Variants in C9orf72 observed in about 807,000 individuals in gnomAD.
C9orf72 encodes guanine nucleotide exchange factor C9orf72.
In C9orf72, 44 loss-of-function variants were observed where a neutral mutation model predicts 51.6. That is an observed-to-expected ratio of 0.85 (90% CI 0.67 to 1.10). The LOEUF (loss-of-function observed/expected upper bound fraction) is 1.10. Among genes scored for constraint, C9orf72 ranks in the 50% least tolerant of loss-of-function variants. The pLI is 0.00. For synonymous variants in C9orf72, 213 were observed against 194.2 expected, an observed-to-expected ratio of 1.10 and a Z score of -0.81; for missense variants, 607 against 570.6, an observed-to-expected ratio of 1.06 and a Z score of -0.65.
chr9:27,561,493 A>G, intron 5 of C9orf72, 92 bp downstream of exon 5: 2 of 1,556,494 alleles, frequency 1.3e-6, no homozygotes, highest in Non-Finnish European at 1.7e-6. Context: ...CTAAGTAGAC[A>G]GTCTGTTATT....
chr9:27,571,892 C>G (rs1030170833), intron 1 of C9orf72, among the ~76,000 whole-genome samples: 1 of 152,206 alleles, frequency 6.6e-6, no homozygotes, highest in African/African-American at 2.4e-5. Context: ...CCAGAAAGTT[C>G]ACAACACTTT....
intron 2 of C9orf72, among the ~76,000 whole-genome samples, chr9:27,565,920 T>C (rs1819457106): frequency 6.6e-6 from 1 of 152,150 alleles, no homozygotes; most frequent in Non-Finnish European, 1.5e-5. Context: ...TAAAAGATTC[T>C]CCTGATTTTA....
intron 3 of C9orf72, 54 bp from the exon 4 acceptor site, chr9:27,562,530 G>T: frequency 1.2e-6 from 1 of 854,580 alleles, no homozygotes; most frequent in Non-Finnish European, 1.8e-6. Context: ...GAGAGAAGCT[G>T]GGCAATAAAA....
upstream of C9orf72, chr9:27,573,523 C>CGGCCCCGGCCCCGGCCCCG (rs905464796): frequency 5.6e-5 from 8 of 142,348 alleles, no homozygotes; most frequent in African/African-American, 1.8e-4. Context: ...GCCCCGACCA[C>CGGCCCCGGCCCCGGCCCCG]GCCCCGGCCC....
intron 9 of C9orf72, among the ~76,000 whole-genome samples, chr9:27,550,412 G>T (rs1198065863): frequency 6.6e-6 from 1 of 151,934 alleles, no homozygotes; most frequent in Non-Finnish European, 1.5e-5. Context: ...GTAAACAAAG[G>T]TCTGAATTCC....
rs910769995 is a variant in C9orf72 at position 27,556,695 on chromosome 9, T to G, written c.957A>C (p.Pro319=). 6 of 1,613,808 alleles carry G rather than the reference T, an allele frequency of 3.7e-6. No individual in the cohort carries two copies. Among genetic ancestry groups the G allele is most frequent in the Non-Finnish European group, 5.1e-6 (6 of 1,179,850 alleles). The change falls in exon 8 of 11, where the codon CCA becomes CCC. Residue 319 remains proline, a synonymous_variant. Coordinates refer to ENST00000380003, the MANE Select transcript of C9orf72 (RefSeq NM_018325.5). ...GATTATAAATATGTTCATGACAGGG[T>G]GGCATCTGCTTCACAGTATTGACAT... is the stretch of plus-strand genomic sequence containing the variant. ...DVDVNTVKQM[P]PCHEHIYNQR...
intron 3 of C9orf72, among the ~76,000 whole-genome samples, chr9:27,565,220 AAG>A (rs142843265): frequency 0.2 from 31,013 of 151,910 alleles, 3,305 homozygotes; most frequent in Middle Eastern, 0.28. Flanking sequence ...TAGTACCTTA[AAG>A]AACATATCAG....
intron 8 of C9orf72, among the ~76,000 whole-genome samples, chr9:27,552,565 A>G (rs1820930953): frequency 8.1e-6 from 1 of 124,050 alleles, no homozygotes; most frequent in African/African-American, 3.2e-5. Flanking sequence ...CATGCTGCCT[A>G]GGCTCGTCTT....
chr9:27,570,553 T>C (rs1819563172), intron 1 of C9orf72, among the ~76,000 whole-genome samples: 1 of 152,002 alleles, frequency 6.6e-6, no homozygotes, highest in Non-Finnish European at 1.5e-5. Flanking sequence ...AGTTACACTC[T>C]CACTCCTAAC....
intron 7 of C9orf72, 89 bp from the exon 8 acceptor site, chr9:27,556,885 G>A (rs78832441): frequency 1.2e-6 from 1 of 868,000 alleles, no homozygotes; most frequent in Non-Finnish European, 1.8e-6. Flanking sequence ...CTCTGATTTA[G>A]CAAATCCATC....
chr9:27,570,122 T>C (rs949955499), intron 1 of C9orf72, among the ~76,000 whole-genome samples: 3 of 152,250 alleles, frequency 2.0e-5, no homozygotes, highest in Non-Finnish European at 4.4e-5. Context: ...TTTAAATATG[T>C]TGTATCAATT....
intron 6 of C9orf72, 54 bp downstream of exon 6, chr9:27,560,171 GAT>G: frequency 1.8e-6 from 2 of 1,136,732 alleles, no homozygotes; most frequent in Middle Eastern, 2.1e-4. Flanking sequence ...GACAATCCAT[GAT>G]ATATCATCAG....
chr9:27,567,189 T>C lies in C9orf72; in HGVS notation c.-44-25A>G, dbSNP rs572694783. On this transcript the variant is annotated intron_variant, in intron 1 of 10. Transcript: ENST00000380003. ...TCTAAACAATGACATATGAAACCAA[T>C]GATTAGGTTCAGCAATTTAAAGATA... is the stretch of plus-strand genomic sequence containing the variant. 13 of 1,327,120 alleles carry C rather than the reference T, an allele frequency of 9.8e-6. No homozygotes were observed. The East Asian group carries it at 1.9e-4, about 19-fold the overall frequency. 82.2% of individuals were successfully genotyped at this position (1,327,120 alleles called of 1,614,324 possible). A position where few individuals can be genotyped will look rare whatever the true frequency, so the allele number is the denominator to read the frequency against.
chr9:27,548,405 G>A lies in C9orf72; in HGVS notation c.1277C>T (p.Pro426Leu), dbSNP rs1353998755. The A allele has an allele frequency of 8.9e-7, 1 of 1,121,746 alleles. No individual in the cohort carries two copies. The highest frequency in any genetic ancestry group is 3.2e-5 in the East Asian group (1 of 31,314). The allele number at this position is 1,121,746 out of a possible 1,614,324, so 69.5% of individuals were successfully genotyped here. A position where few individuals can be genotyped will look rare whatever the true frequency, so the allele number is the denominator to read the frequency against. The change falls in exon 11 of 11, where the codon CCC (proline) becomes CTC (leucine). Residue 426 changes from proline to leucine, a missense_variant. Transcript: ENST00000380003. ...IEDDTQKGKKPFKSLRNLKID... is the reference protein window; with the variant it reads ...IEDDTQKGKKLFKSLRNLKID... ...CTTCAGGTTCCGAAGAGATTTAAAG[G>A]GCTTTTTTCCCTTCTGCCTAAAAAT...
rs190914801 is a variant in C9orf72, at chr9:27,573,156, G to C, written c.-45+275C>G. Among the ~76,000 whole-genome samples the C allele has an allele frequency of 2.4e-4, 37 of 152,290 alleles. No individual in the cohort carries two copies. In the East Asian group the frequency reaches 3.9e-3, roughly 16 times the overall value. The stretch of plus-strand genomic sequence containing the variant: ...GGTCCCCGGGAAGGAGACAGCTCGG[G>C]TACTGAGGGCGGGAAAGCAAGGAAG... On this transcript the variant is annotated intron_variant, in intron 1 of 10. Transcript: ENST00000380003.
chr9:27,565,411 C>T lies in C9orf72; in HGVS notation c.504+120G>A, dbSNP rs183737131. ...TCCTCCAGTTTATTCTGTACACCTC[C>T]ATAAAAGCTCCATTAAAGGCTTATT... On this transcript the variant is annotated intron_variant, in intron 3 of 10. Transcript: ENST00000380003. 403 of 558,046 alleles carry T rather than the reference C, an allele frequency of 7.2e-4. 2 individuals carry two copies. Among genetic ancestry groups the T allele is most frequent in the Middle Eastern group, 6.1e-3 (22 of 3,612 alleles). The allele number at this position is 558,046 out of a possible 1,614,324, so 34.6% of individuals were successfully genotyped here.
intron 1 of C9orf72, among the ~76,000 whole-genome samples, chr9:27,572,257 C>A (rs2282241): frequency 0.39 from 59,847 of 152,022 alleles, 13,880 homozygotes; most frequent in East Asian, 0.68. Context: ...CAGCATGTAG[C>A]AGTTTCCAAC....
At chr9:27,557,120 C>G (rs1819220145) in intron 7 of C9orf72, among the ~76,000 whole-genome samples, 1 of 151,976 alleles carries the variant, frequency 6.6e-6, no homozygotes. Context: ...GTGAAAAAAG[C>G]AGATTAGAAC....
At chr9:27,553,722 C>A (rs1820954804) in intron 8 of C9orf72, among the ~76,000 whole-genome samples, 1 of 151,988 alleles carries the variant, frequency 6.6e-6, no homozygotes, top group African/African-American at 2.4e-5. Context: ...CTAACGAGCT[C>A]CTGCATGGCA....
Sources: allele counts gnomAD v4.1 joint callset (sites outside exome capture counted in the v4.1 genomes callset), GRCh38; gene constraint gnomAD v4.1.1; transcripts MANE v1.5; gene names NCBI Gene and HGNC (gene_info 2026-07-23, HGNC 2026-07-21).